The following HMCN1 variants were observed in gnomAD, a reference collection of about 807,000 sequenced individuals.
The protein encoded by HMCN1 is hemicentin 1.
In HMCN1, 321 loss-of-function variants were observed where a neutral mutation model predicts 625.9. The ratio of observed to expected loss-of-function variants is 0.51; its 90% CI spans 0.47 to 0.56. HMCN1 has a LOEUF of 0.56. Among genes scored for constraint, HMCN1 ranks in the 20% least tolerant of loss-of-function variants. HMCN1 has a pLI of 0.00. For synonymous variants in HMCN1, 2,425 were observed against 2,417.6 expected, an observed-to-expected ratio of 1.00 and a Z score of -0.09; for missense variants, 6,588 against 6,887.3, an observed-to-expected ratio of 0.96 and a Z score of 1.54.
At position 186,126,917 on chromosome 1, in the gene HMCN1, C is replaced by T. The variant is rs926235857; in HGVS notation, c.12690+1123C>T. Among the ~76,000 whole-genome samples, 33 of 152,004 alleles carry T rather than the reference C, an allele frequency of 2.2e-4. 1 individual carries two copies. The highest frequency in any genetic ancestry group is 7.7e-4 in the African/African-American group (32 of 41,392). The stretch of plus-strand genomic sequence containing the variant: ...AGAATCAAAGGTAGGGAGACAAGGA[C>T]AGGAGCAGTGAGACCTGTTGGGAAG... On this transcript the variant is annotated intron_variant, in intron 82 of 106. Transcript: ENST00000271588.
At chr1:185,815,102 T>C (rs1659763920) in intron 1 of HMCN1, among the ~76,000 whole-genome samples, 1 of 150,342 alleles carries the variant, frequency 6.7e-6, no homozygotes, top group African/African-American at 2.5e-5. Context: ...ATGTTTGAAG[T>C]CAATGGCAAA....
rs1653399250 is a variant in HMCN1, at chr1:185,734,430, G to A, written c.-350G>A. On this transcript the variant is annotated 5_prime_UTR_variant, in exon 1 of 107. Coordinates refer to ENST00000271588, the MANE Select transcript of HMCN1 (RefSeq NM_031935.3). ...GCGGAGAGCAGCGGCGGCGGCGAGG[G>A]CAGCGGGATTCGGGCCGCGGCGCCG... 1 of 246,386 alleles carries A rather than the reference G, an allele frequency of 4.1e-6. No homozygotes were observed. The highest frequency in any genetic ancestry group is 7.7e-6 in the Non-Finnish European group (1 of 129,580). The allele number at this position is 246,386 out of a possible 1,614,324, so 15.3% of individuals were successfully genotyped here. A position where few individuals can be genotyped will look rare whatever the true frequency, so the allele number is the denominator to read the frequency against.
At chr1:185,905,669 C>T (rs1666056182) in intron 4 of HMCN1, among the ~76,000 whole-genome samples, 1 of 151,776 alleles carries the variant, frequency 6.6e-6, no homozygotes, top group Non-Finnish European at 1.5e-5. Context: ...TGGTTTTGTG[C>T]TTTAAAACTA....
chr1:186,086,484 T>C, intron 58 of HMCN1, 77 bp downstream of exon 58: 2 of 1,449,512 alleles, frequency 1.4e-6, no homozygotes, highest in Non-Finnish European at 1.9e-6. Flanking sequence ...CAAATTAGTG[T>C]ATTTCCAAAC....
rs927093066 is a variant in HMCN1, at chr1:185,761,372, A to G, written c.268+26325A>G. Among the ~76,000 whole-genome samples, 5 of 152,250 alleles carry G rather than the reference A, an allele frequency of 3.3e-5. No individual in the cohort carries two copies. The South Asian group carries it at 1.0e-3, about 32-fold the overall frequency. On this transcript the variant is annotated intron_variant, in intron 1 of 106. Coordinates refer to ENST00000271588, the MANE Select transcript of HMCN1 (RefSeq NM_031935.3). Reference sequence around the variant, plus strand: ...CTTGTGATCTTATTAATAGTCAAATATCTGTCTCCTGAGACCCTACCTGCC... The same window carrying G: ...CTTGTGATCTTATTAATAGTCAAATGTCTGTCTCCTGAGACCCTACCTGCC...
chr1:185,913,026 T>G (rs964706747), intron 6 of HMCN1, among the ~76,000 whole-genome samples: 2 of 152,082 alleles, frequency 1.3e-5, no homozygotes, highest in Non-Finnish European at 2.9e-5. Flanking sequence ...GTTTTTTTTT[T>G]AAAGAATAAC....
intron 2 of HMCN1, among the ~76,000 whole-genome samples, chr1:185,853,504 A>G (rs932439299): frequency 4.6e-4 from 70 of 152,274 alleles, no homozygotes; most frequent in African/African-American, 1.6e-3. Context: ...TGAAGCATCT[A>G]TTAAAACTTT....
chr1:185,993,785 T>C (rs931582677), intron 23 of HMCN1, among the ~76,000 whole-genome samples: 2 of 152,156 alleles, frequency 1.3e-5, no homozygotes, highest in East Asian at 3.8e-4. Flanking sequence ...ATCCACATAG[T>C]CCATCCAGTT....
chr1:186,095,350 G>A lies in HMCN1; in HGVS notation c.10402G>A (p.Ala3468Thr), dbSNP rs762046827. 2.5e-6 allele frequency: 4 copies of A among 1,613,658 alleles called. No individual in the cohort carries two copies. In the South Asian group the frequency reaches 4.4e-5, roughly 18 times the overall value. Residue 3468 changes from alanine to threonine, a missense_variant, in exon 68 of 107, where the codon GCC becomes ACC. By Grantham distance (58) the Ala-to-Thr change is moderately conservative. Coordinates refer to ENST00000271588, the MANE Select transcript of HMCN1 (RefSeq NM_031935.3). ...TGATGGAACCCCAGCTCCCAGTATG[G>A]CCTGGCTTAGAGATGGCCAGCCTCT... is the stretch of plus-strand genomic sequence containing the variant. ...ITDGTPAPSM[A>T]WLRDGQPLGL...
chr1:186,005,147 A>ACG (rs1571701262), intron 29 of HMCN1, among the ~76,000 whole-genome samples: 2 of 149,744 alleles, frequency 1.3e-5, no homozygotes, highest in East Asian at 2.0e-4. Context: ...TTGTTTATAA[A>ACG]TGTTTATAAA....
intron 1 of HMCN1, among the ~76,000 whole-genome samples, chr1:185,770,225 G>T (rs1184293143): frequency 6.6e-6 from 1 of 152,168 alleles, no homozygotes; most frequent in African/African-American, 2.4e-5. Context: ...CTTGAAAGGA[G>T]CTGTGTTTGT....
At chr1:186,037,732 T>C (rs562396993) in intron 36 of HMCN1, among the ~76,000 whole-genome samples, 1 of 152,296 alleles carries the variant, frequency 6.6e-6, no homozygotes, top group African/African-American at 2.4e-5. Flanking sequence ...CACAGAGAAA[T>C]GTGTGATCCA....
chr1:186,069,165 TC>T (rs1471712022), intron 50 of HMCN1, among the ~76,000 whole-genome samples: 1 of 152,154 alleles, frequency 6.6e-6, no homozygotes, highest in East Asian at 1.9e-4. Context: ...GGAAATAAGT[TC>T]AGCAAGAAAA....
chr1:186,029,097 C>T (rs535807474), intron 36 of HMCN1, among the ~76,000 whole-genome samples: 1 of 152,018 alleles, frequency 6.6e-6, no homozygotes, highest in South Asian at 2.1e-4. Flanking sequence ...GCTAAGATAA[C>T]ATCTTTATAT....
intron 1 of HMCN1, among the ~76,000 whole-genome samples, chr1:185,771,735 A>G (rs1436358777): frequency 6.6e-6 from 1 of 152,162 alleles, no homozygotes; most frequent in Non-Finnish European, 1.5e-5. Flanking sequence ...TTTCAAGAGT[A>G]CCACACCTAG....
chr1:185,948,783 C>T (rs1238784141), intron 11 of HMCN1, among the ~76,000 whole-genome samples: 46 of 143,388 alleles, frequency 3.2e-4, no homozygotes, highest in African/African-American at 8.6e-4. Flanking sequence ...GTTGAAGTGT[C>T]GGGGCGGTGA....
At chr1:185,920,561 T>C (rs1182592933) in intron 6 of HMCN1, among the ~76,000 whole-genome samples, 4 of 152,224 alleles carry the variant, frequency 2.6e-5, no homozygotes, top group African/African-American at 9.6e-5. Context: ...TCAAAGTTAA[T>C]TTTTATTACA....
Position 185,928,651 on chromosome 1 carries a change from AT to A in HMCN1, c.1542del (p.Phe514LeufsTer26). ...GTGCAGGTACTGGACGGGCACAGAC[AT>A]TTTTTGACGTATCAGGTAATTACCA... ...SSAGTGRAQTFFDVSEPPPVI... is the reference protein window; with the variant it reads ...SSAGTGRAQTXFDVSEPPPVI... On this transcript the variant is annotated frameshift_variant, in exon 10 of 107. Transcript: ENST00000271588. LOFTEE classifies it high-confidence loss of function. The A allele has an allele frequency of 6.2e-7, 1 of 1,613,472 alleles. No individual in the cohort carries two copies. The highest frequency in any genetic ancestry group is 8.5e-7 in the Non-Finnish European group (1 of 1,179,474).
chr1:185,990,762 C>A (rs569701379), intron 22 of HMCN1, among the ~76,000 whole-genome samples: 1 of 152,076 alleles, frequency 6.6e-6, no homozygotes, highest in Admixed American at 6.6e-5. Flanking sequence ...TCCATTAATC[C>A]CATAAGAGCA....
Sources: gnomAD v4.1 joint callset for allele counts (sites outside exome capture counted in the v4.1 genomes callset) on GRCh38, gnomAD v4.1.1 for gene constraint, MANE v1.5 for transcripts, NCBI Gene and HGNC (gene_info 2026-07-23, HGNC 2026-07-21) for gene names.